Variants in POR observed in about 807,000 individuals in gnomAD.
POR encodes the protein NADPH--cytochrome P450 reductase.
POR carries 56 observed loss-of-function variants against 84.0 expected under a neutral mutation model. That is an observed-to-expected ratio of 0.67 (90% CI 0.54 to 0.83). The LOEUF is 0.83. Among genes scored for constraint, POR ranks in the 40% least tolerant of loss-of-function variants. The pLI is 0.00. For synonymous variants in POR, 414 were observed against 400.5 expected (o/e 1.03, Z -0.40); for missense variants, 938 against 944.3 (o/e 0.99, Z 0.09).
At chr7:75,921,155 C>T (rs1554548790) in intron 1 of POR, 1 of 152,312 alleles carries the variant, frequency 6.6e-6, no homozygotes, top group East Asian at 1.9e-4. Context: ...TGTCAGTGGC[C>T]TCACCGACTT....
intron 2 of POR, among the ~76,000 whole-genome samples, chr7:75,966,303 G>A (rs782466359): frequency 1.9e-4 from 29 of 152,204 alleles, no homozygotes; most frequent in Middle Eastern, 3.4e-3. Flanking sequence ...GTCCCTGTCC[G>A]CAGAGACAGC....
intron 2 of POR, among the ~76,000 whole-genome samples, chr7:75,963,866 C>G (rs1051914979): frequency 1.1e-4 from 17 of 152,050 alleles, no homozygotes; most frequent in Admixed American, 2.0e-4. Context: ...ATGGAGGGAG[C>G]TGACACAGGA....
chr7:75,985,828 C>A lies in POR; in HGVS notation c.1648C>A (p.Arg550=), dbSNP rs782551496. ...ACCCTTCATAGGCTTCATCCAGGAGCGGGCCTGGCTGCGACAGCAGGGTGA... is the reference window on the plus strand; with the variant it reads ...ACCCTTCATAGGCTTCATCCAGGAGAGGGCCTGGCTGCGACAGCAGGGTGA... The change falls in exon 13 of 16, where the codon CGG becomes AGG. Residue 550 remains arginine, a synonymous_variant. Coordinates refer to ENST00000461988, the MANE Select transcript of POR (RefSeq NM_000941.3). The A allele has an allele frequency of 6.4e-7, 1 of 1,552,568 alleles. No homozygotes were observed. The highest frequency in any genetic ancestry group is 8.7e-7 in the Non-Finnish European group (1 of 1,145,830).
rs143919651 is a variant in POR at position 75,929,978 on chromosome 7, T to C, written c.-5+14799T>C. ...CCTTGTCTAGGGTTGCAACAAGAAG[T>C]GACAGAGAGGGTCCCACAAGGTCTT... On this transcript the variant is annotated intron_variant, in intron 1 of 15. Transcript: ENST00000461988. Among the ~76,000 whole-genome samples, 8 of 152,226 alleles carry C rather than the reference T, an allele frequency of 5.3e-5. No homozygotes were observed. The East Asian group carries it at 1.5e-3, about 29-fold the overall frequency.
chr7:75,944,853 C>G (rs1318159677), intron 1 of POR, among the ~76,000 whole-genome samples: 2 of 152,110 alleles, frequency 1.3e-5, no homozygotes, highest in Non-Finnish European at 2.9e-5. Flanking sequence ...ACCTAAACAA[C>G]AGAAAATAGA....
At chr7:75,920,056 CTTTTTTTT>C (rs71519397) in intron 1 of POR, among the ~76,000 whole-genome samples, 6 of 76,520 alleles carry the variant, frequency 7.8e-5, no homozygotes, top group African/African-American at 2.3e-4. Context: ...AGTTGAATTT[CTTTTTTTT>C]TTTTTTTTTT....
At chr7:75,980,308 C>A (rs1309013466) in intron 4 of POR, 31 bp from the exon 5 acceptor site, 7 of 1,601,796 alleles carry the variant, frequency 4.4e-6, no homozygotes, top group African/African-American at 1.3e-5. Flanking sequence ...TCAGTCATGG[C>A]CGGGGCGCGG....
chr7:75,973,612 C>G (rs1554556476), intron 3 of POR, among the ~76,000 whole-genome samples: 2 of 151,212 alleles, frequency 1.3e-5, no homozygotes, highest in African/African-American at 2.4e-5. Flanking sequence ...GCCATTGCAT[C>G]CAGCCTACAC....
At chr7:75,966,651 C>T (rs1336541252) in intron 2 of POR, among the ~76,000 whole-genome samples, 2 of 152,156 alleles carry the variant, frequency 1.3e-5, no homozygotes, top group African/African-American at 4.8e-5. Flanking sequence ...AAATCGAGTC[C>T]GCTGCAGAAA....
At chr7:75,944,742 AAT>A (rs370392377) in intron 1 of POR, among the ~76,000 whole-genome samples, 199 of 152,260 alleles carry the variant, frequency 1.3e-3, no homozygotes, top group African/African-American at 4.7e-3. Context: ...CGAAATATAC[AAT>A]AGTCAAAATA....
chr7:75,923,069 C>T, intron 1 of POR: 1 of 689,056 alleles, frequency 1.5e-6, no homozygotes, highest in East Asian at 2.5e-5. Context: ...GTGCGGAGAG[C>T]CATTGCAAGA....
chr7:75,965,564 C>T (rs1585115108), intron 2 of POR, among the ~76,000 whole-genome samples: 1 of 152,104 alleles, frequency 6.6e-6, no homozygotes, highest in Non-Finnish European at 1.5e-5. Flanking sequence ...TGTGCCAGAT[C>T]AGATGATCTT....
chr7:75,959,137 C>G (rs1009834160), intron 2 of POR, among the ~76,000 whole-genome samples: 7 of 152,044 alleles, frequency 4.6e-5, no homozygotes, highest in African/African-American at 1.7e-4. Flanking sequence ...CTTTGGGAGG[C>G]CAAGGCAGGA....
At chr7:75,935,332 C>T (rs1010127306) in intron 1 of POR, among the ~76,000 whole-genome samples, 2 of 152,064 alleles carry the variant, frequency 1.3e-5, no homozygotes, top group Non-Finnish European at 2.9e-5. Flanking sequence ...CTGCAACCTC[C>T]ACTTCCTGGG....
In POR at chr7:75,986,443, A is replaced by C. The variant is rs782357915; in HGVS notation, c.2005A>C (p.Met669Leu). The C allele has an allele frequency of 6.2e-7, 1 of 1,612,174 alleles. No individual in the cohort carries two copies. The highest frequency in any genetic ancestry group is 8.5e-7 in the Non-Finnish European group (1 of 1,179,814). Residue 669 changes from methionine (M) to leucine (L), a missense_variant, in exon 16 of 16, where the codon ATG (methionine) becomes CTG (leucine). Transcript: ENST00000461988. ...GGCGGTGGACTACATCAAGAAACTG[A>C]TGACCAAGGGCCGCTACTCCCTGGA...
chr7:75,983,805 A>C lies in POR; in HGVS notation c.1015A>C (p.Lys339Gln). Residue 339 changes from lysine (K) to glutamine (Q), a missense_variant, in exon 10 of 16, where the codon AAA (lysine) becomes CAA (glutamine). Coordinates refer to ENST00000461988, the MANE Select transcript of POR (RefSeq NM_000941.3). ...CTCTGCTCTCGTCAACCAGCTGGGC[A>C]AAATCCTGGGTGCCGACCTGGACGT... The C allele has an allele frequency of 6.2e-7, 1 of 1,612,296 alleles. No homozygotes were observed. The highest frequency in any genetic ancestry group is 1.1e-5 in the South Asian group (1 of 91,028).
intron 3 of POR, among the ~76,000 whole-genome samples, chr7:75,976,939 C>T (rs998901136): frequency 1.3e-5 from 2 of 152,084 alleles, no homozygotes; most frequent in African/African-American, 2.4e-5. Context: ...CAGCCTCAAC[C>T]TCCCAGGCTC....
At chr7:75,931,885 A>G (rs1807439395) in intron 1 of POR, among the ~76,000 whole-genome samples, 1 of 151,968 alleles carries the variant, frequency 6.6e-6, no homozygotes, top group Admixed American at 6.6e-5. Context: ...TGAGGCCACT[A>G]CTCGATTCAG....
At position 75,985,594 on chromosome 7, in the gene POR, G is replaced by A. The variant is rs72557946; in HGVS notation, c.1414G>A (p.Val472Met). 486 of 1,562,528 alleles carry A rather than the reference G, an allele frequency of 3.1e-4. 3 individuals are homozygous for A. The African/African-American group carries it at 5.8e-3, about 19-fold the overall frequency. Residue 472 changes from valine (V) to methionine (M), a missense_variant, in exon 13 of 16, where the codon GTG becomes ATG. By Grantham distance (21) the Val-to-Met change is conservative. Transcript: ENST00000461988. ...CTCCCCACAGGTCCACCCCAACTCT[G>A]TGCACATCTGTGCGGTGGTTGTGGA...
Sources: allele counts gnomAD v4.1 joint callset (sites outside exome capture counted in the v4.1 genomes callset), GRCh38; gene constraint gnomAD v4.1.1; transcripts MANE v1.5; gene names NCBI Gene and HGNC (gene_info 2026-07-23, HGNC 2026-07-21).